LUZP2: variants seen among roughly 807,000 people sequenced by gnomAD.
The protein encoded by LUZP2 is leucine zipper protein 2.
LUZP2 carries 52 observed loss-of-function variants against 51.6 expected under a neutral mutation model. That is an observed-to-expected ratio of 1.01 (90% CI 0.81 to 1.27). LUZP2 has a LOEUF of 1.27. Among genes scored for constraint, LUZP2 ranks in the 50% most tolerant of loss-of-function variants. LUZP2 has a pLI of 0.00. For synonymous variants in LUZP2, 154 were observed against 137.3 expected (o/e 1.12, Z -0.85); for missense variants, 436 against 395.4 (o/e 1.10, Z -0.87).
intron 1 of LUZP2, among the ~76,000 whole-genome samples, chr11:24,642,384 C>G (rs745847136): frequency 2.0e-5 from 3 of 151,466 alleles, no homozygotes; most frequent in Non-Finnish European, 4.4e-5. Flanking sequence ...TTCATTGTAT[C>G]ATGTGTATAC....
intron 5 of LUZP2, among the ~76,000 whole-genome samples, chr11:24,887,879 T>C (rs1852723387): frequency 6.6e-6 from 1 of 152,186 alleles, no homozygotes; most frequent in African/African-American, 2.4e-5. Flanking sequence ...TCCAAAATAG[T>C]AGATGCTTTC....
At chr11:24,972,186 A>C (rs1259287066) in intron 7 of LUZP2, among the ~76,000 whole-genome samples, 2 of 151,326 alleles carry the variant, frequency 1.3e-5, no homozygotes, top group Non-Finnish European at 2.9e-5. Flanking sequence ...ATGACAATAA[A>C]ATTTTCAAAG....
chr11:25,018,037 G>GTTTTTTTTTTTTTTTTTTTTTTTTTTT (rs1410360304), intron 9 of LUZP2, among the ~76,000 whole-genome samples: 5 of 131,088 alleles, frequency 3.8e-5, no homozygotes, highest in Admixed American at 7.5e-5. Context: ...TTTTGTTTCT[G>GTTTTTTTTTTTTTTTTTTTTTTTTTTT]TTTTTTTTTT....
At chr11:24,845,114 G>T (rs1851159159) in intron 5 of LUZP2, among the ~76,000 whole-genome samples, 1 of 152,164 alleles carries the variant, frequency 6.6e-6, no homozygotes, top group Non-Finnish European at 1.5e-5. Flanking sequence ...ATCTGGAAAA[G>T]CAGCAGACAC....
intron 5 of LUZP2, among the ~76,000 whole-genome samples, chr11:24,868,130 G>C (rs1851950662): frequency 6.6e-6 from 1 of 152,102 alleles, no homozygotes; most frequent in South Asian, 2.1e-4. Flanking sequence ...TTTCACCTCA[G>C]AATATGGCTT....
intron 7 of LUZP2, among the ~76,000 whole-genome samples, chr11:24,932,802 C>G (rs1854493884): frequency 6.6e-6 from 1 of 152,204 alleles, no homozygotes; most frequent in Admixed American, 6.5e-5. Flanking sequence ...GTGGCTGCAC[C>G]TTCTGTTTGC....
At chr11:24,863,974 G>A (rs1363299565) in intron 5 of LUZP2, among the ~76,000 whole-genome samples, 1 of 146,916 alleles carries the variant, frequency 6.8e-6, no homozygotes, top group African/African-American at 2.6e-5. Flanking sequence ...AATTTTTAAA[G>A]TATATTTTAG....
chr11:24,512,565 G>A (rs1373623961), intron 1 of LUZP2, among the ~76,000 whole-genome samples: 1 of 151,970 alleles, frequency 6.6e-6, no homozygotes, highest in Non-Finnish European at 1.5e-5. Flanking sequence ...AATAATTATG[G>A]TACTTTTTAT....
At chr11:24,514,206 T>C (rs1850395258) in intron 1 of LUZP2, among the ~76,000 whole-genome samples, 1 of 151,980 alleles carries the variant, frequency 6.6e-6, no homozygotes, top group African/African-American at 2.4e-5. Flanking sequence ...GAGTAACTAG[T>C]TGGTTGTGTG....
intron 9 of LUZP2, 148 bp from the exon 10 acceptor site, chr11:25,049,890 A>T: frequency 2.6e-6 from 1 of 391,708 alleles, no homozygotes. Context: ...ATATATACAA[A>T]TTTCCATTTT....
intron 9 of LUZP2, among the ~76,000 whole-genome samples, chr11:25,018,581 T>C (rs1857232587): frequency 6.7e-6 from 1 of 149,750 alleles, no homozygotes; most frequent in Non-Finnish European, 1.5e-5. Flanking sequence ...AATATAATAC[T>C]ATCATTATTA....
chr11:25,012,867 C>G (rs1857023626), intron 9 of LUZP2, among the ~76,000 whole-genome samples: 1 of 152,128 alleles, frequency 6.6e-6, no homozygotes, highest in Non-Finnish European at 1.5e-5. Context: ...CATCGCACTA[C>G]TGGGTATCAA....
chr11:24,832,068 A>G (rs2716498), intron 5 of LUZP2: 23,872 of 152,418 alleles, frequency 0.16, 2,064 homozygotes, highest in African/African-American at 0.22. Flanking sequence ...GTAAAATATG[A>G]AAGTACCTAT....
intron 10 of LUZP2, among the ~76,000 whole-genome samples, chr11:25,064,924 C>G (rs1395005455): frequency 6.6e-6 from 1 of 151,996 alleles, no homozygotes; most frequent in Non-Finnish European, 1.5e-5. Context: ...ATCTCAAAAT[C>G]TCTAGATATT....
At chr11:24,954,936 A>G (rs1176901560) in intron 7 of LUZP2, among the ~76,000 whole-genome samples, 1 of 152,040 alleles carries the variant, frequency 6.6e-6, no homozygotes, top group Non-Finnish European at 1.5e-5. Context: ...AGAATAGGGT[A>G]CCAAATAATT....
chr11:24,635,561 C>T (rs1310848250), intron 1 of LUZP2, among the ~76,000 whole-genome samples: 2 of 152,036 alleles, frequency 1.3e-5, no homozygotes, highest in African/African-American at 4.8e-5. Flanking sequence ...GCTGTTTATC[C>T]TTAAGTAATC....
At chr11:24,966,977 G>T (rs1387422521) in intron 7 of LUZP2, among the ~76,000 whole-genome samples, 1 of 150,086 alleles carries the variant, frequency 6.7e-6, no homozygotes, top group Non-Finnish European at 1.5e-5. Context: ...TTAATGCATT[G>T]AATTACAGTT....
intron 1 of LUZP2, among the ~76,000 whole-genome samples, chr11:24,537,055 TCA>T (rs2133837071): frequency 6.6e-6 from 1 of 151,974 alleles, no homozygotes; most frequent in Admixed American, 6.6e-5. Flanking sequence ...AATTTTGCAT[TCA>T]GTCTTCCATG....
chr11:24,588,912 T>C (rs1458459868), intron 1 of LUZP2, among the ~76,000 whole-genome samples: 1 of 152,148 alleles, frequency 6.6e-6, no homozygotes, highest in Non-Finnish European at 1.5e-5. Context: ...AAAATGCATG[T>C]AATGACTGTT....
Sources: allele counts gnomAD v4.1 joint callset (sites outside exome capture counted in the v4.1 genomes callset), GRCh38; gene constraint gnomAD v4.1.1; transcripts MANE v1.5; gene names NCBI Gene and HGNC (gene_info 2026-07-23, HGNC 2026-07-21).